CEP63: variants seen among roughly 807,000 people sequenced by gnomAD.
CEP63 encodes the protein centrosomal protein 63.
In CEP63, 84 loss-of-function variants were observed where a neutral mutation model predicts 89.1. The observed-to-expected ratio is 0.94, with a 90% CI of 0.79 to 1.13. The LOEUF (loss-of-function observed/expected upper bound fraction) is 1.13, where lower values mean the gene tolerates loss of function less well. Among genes scored for constraint, CEP63 ranks in the 50% most tolerant of loss-of-function variants. The pLI is 0.00. For missense variants in CEP63, 838 were observed against 813.3 expected (o/e 1.03, Z -0.37); for synonymous variants, 267 against 272.5 (o/e 0.98, Z 0.20).
chr3:134,740,749 G>C, the CEP63 span, among the ~76,000 whole-genome samples: 1,493 of 152,220 alleles, frequency 9.8e-3, 17 homozygotes, highest in African/African-American at 0.033. Flanking sequence ...AGAACTCAAA[G>C]CCAAGATTTT....
chr3:134,620,916 AGCATCTT>A, the CEP63 span: 17 of 1,017,030 alleles, frequency 1.7e-5, no homozygotes, highest in Admixed American at 3.4e-4. Context: ...TTGGGGGCCC[AGCATCTT>A]GCACCTACAG....
chr3:134,718,204 A>G, the CEP63 span, among the ~76,000 whole-genome samples: 3 of 152,192 alleles, frequency 2.0e-5, no homozygotes, highest in African/African-American at 7.2e-5. Flanking sequence ...GGGAGTTTTG[A>G]TGGCACCCTT....
chr3:134,531,789 C>T, intron 3 of CEP63, 56 bp from the exon 4 acceptor site: 5 of 1,202,402 alleles, frequency 4.2e-6, no homozygotes, highest in Non-Finnish European at 6.2e-6. Flanking sequence ...TTTTATATCT[C>T]AGGGATGTTA....
chr3:134,670,349 A>G, the CEP63 span, among the ~76,000 whole-genome samples: 1 of 152,196 alleles, frequency 6.6e-6, no homozygotes, highest in Non-Finnish European at 1.5e-5. Context: ...GTTGCTAGCT[A>G]TGGGGGTCCC....
At chr3:134,578,840 T>G (rs1958279996), downstream of CEP63, among the ~76,000 whole-genome samples, 1 of 152,230 alleles carries the variant, frequency 6.6e-6, no homozygotes, top group African/African-American at 2.4e-5. Context: ...TTGCAAAAAT[T>G]TTCTCACATT....
At chr3:134,565,189 G>T (rs1316298304), downstream of CEP63, among the ~76,000 whole-genome samples, 2 of 152,162 alleles carry the variant, frequency 1.3e-5, no homozygotes, top group Non-Finnish European at 2.9e-5. Context: ...GGATTCCCAT[G>T]AATTTTCATC....
chr3:134,714,490 C>T, the CEP63 span, among the ~76,000 whole-genome samples: 16 of 152,308 alleles, frequency 1.1e-4, no homozygotes, highest in East Asian at 3.1e-3. Flanking sequence ...ACAGCACAGG[C>T]CCCGGCCCCA....
intron 6 of CEP63, among the ~76,000 whole-genome samples, chr3:134,541,808 T>C (rs968736205): frequency 1.2e-4 from 18 of 152,212 alleles, no homozygotes; most frequent in African/African-American, 3.6e-4. Context: ...CCACTGCGCC[T>C]GGCCACCAGC....
At chr3:134,640,686 T>G in the CEP63 span, among the ~76,000 whole-genome samples, 1 of 152,156 alleles carries the variant, frequency 6.6e-6, no homozygotes, top group Non-Finnish European at 1.5e-5. Context: ...GGCACCAACC[T>G]CAACAAAGCC....
At chr3:134,719,678 T>A in the CEP63 span, among the ~76,000 whole-genome samples, 28 of 152,190 alleles carry the variant, frequency 1.8e-4, no homozygotes, top group Non-Finnish European at 3.7e-4. Flanking sequence ...CTACCTTCTG[T>A]CTCTATGTAT....
rs184800293 is a variant in CEP63, at chr3:134,564,474, T to C, written c.*2939T>C. 3.7e-5 allele frequency: 36 copies of C among 985,488 alleles called. No homozygotes were observed. The African/African-American group carries it at 5.6e-4, about 15-fold the overall frequency. 61.0% of individuals were successfully genotyped at this position (985,488 alleles called of 1,614,324 possible). A position where few individuals can be genotyped will look rare whatever the true frequency, so the allele number is the denominator to read the frequency against. On this transcript the variant is annotated 3_prime_UTR_variant, in exon 15 of 15. Transcript: ENST00000675561. ...CCTGTGTGTGGCTCTGACCAGACTT[T>C]GCTATCCGCTTTGATTTCTGTCTTT...
chr3:134,638,050 T>C, the CEP63 span, among the ~76,000 whole-genome samples: 1 of 152,180 alleles, frequency 6.6e-6, no homozygotes, highest in Admixed American at 6.5e-5. Context: ...TGCTGCTGCT[T>C]AGCATTCCCT....
chr3:134,779,020 G>A, the CEP63 span, among the ~76,000 whole-genome samples: 1 of 152,124 alleles, frequency 6.6e-6, no homozygotes, highest in Non-Finnish European at 1.5e-5. Flanking sequence ...GCCCTATACA[G>A]TAAAAATTTA....
the CEP63 span, among the ~76,000 whole-genome samples, chr3:134,695,310 A>G: frequency 1.3e-5 from 2 of 152,236 alleles, no homozygotes; most frequent in African/African-American, 4.8e-5. Context: ...AATGTTCCCC[A>G]CAGAAGCCAA....
the CEP63 span, chr3:134,607,840 C>T: frequency 7.1e-6 from 7 of 987,952 alleles, no homozygotes; most frequent in Admixed American, 6.0e-5. Context: ...CGGCTGGGTC[C>T]CGCCTCCAGA....
the CEP63 span, among the ~76,000 whole-genome samples, chr3:134,646,808 G>A: frequency 6.6e-6 from 1 of 152,126 alleles, no homozygotes; most frequent in African/African-American, 2.4e-5. Context: ...ACCTTCACGT[G>A]CCCACTGTGC....
chr3:134,639,873 C>T, the CEP63 span: 1 of 145,718 alleles, frequency 6.9e-6, no homozygotes. Flanking sequence ...TTGCTTGAGC[C>T]CAGGAGTTTG....
At chr3:134,623,477 T>C in the CEP63 span, among the ~76,000 whole-genome samples, 1 of 152,130 alleles carries the variant, frequency 6.6e-6, no homozygotes, top group Non-Finnish European at 1.5e-5. Context: ...ACTTCCCTTC[T>C]TCAATCAATG....
exon 12 of CEP63, chr3:134,574,930 C>G: frequency 2.0e-6 from 1 of 489,794 alleles, no homozygotes; most frequent in Non-Finnish European, 3.7e-6. Context: ...AACAATTTGT[C>G]AATGAAACAA....
Sources: gnomAD v4.1 joint callset for allele counts (sites outside exome capture counted in the v4.1 genomes callset) on GRCh38, gnomAD v4.1.1 for gene constraint, MANE v1.5 for transcripts, NCBI Gene and HGNC (gene_info 2026-07-23, HGNC 2026-07-21) for gene names.